Variants in SRR observed in about 807,000 individuals in gnomAD.
SRR encodes the protein serine racemase, also known as D-serine ammonia-lyase.
In SRR, 19 loss-of-function variants were observed where a neutral mutation model predicts 32.7. The observed-to-expected ratio is 0.58, with a 90% CI of 0.40 to 0.85. The LOEUF is 0.85. Among genes scored for constraint, SRR ranks in the 40% least tolerant of loss-of-function variants. The pLI, the probability that SRR is intolerant of heterozygous loss-of-function variation, is 0.00. For missense variants in SRR, 373 were observed against 404.7 expected (o/e 0.92, Z 0.67); for synonymous variants, 142 against 140.9 (o/e 1.01, Z -0.06).
In SRR at chr17:2,318,979, T is replaced by C. The variant is rs769735898; in HGVS notation, c.399+50T>C. 5.4e-6 allele frequency: 7 copies of C among 1,294,170 alleles called. No homozygotes were observed. The South Asian group carries it at 8.4e-5, about 15-fold the overall frequency. 80.2% of individuals were successfully genotyped at this position (1,294,170 alleles called of 1,614,324 possible). A position where few individuals can be genotyped will look rare whatever the true frequency, so the allele number is the denominator to read the frequency against. On this transcript the variant is annotated intron_variant, in intron 4 of 7. Transcript: ENST00000344595. The stretch of plus-strand genomic sequence containing the variant: ...ACCTTAACAGCTTTCATTTGACCAA[T>C]GGCTCTTTCTACCTTACTGGCTGCT...
chr17:2,303,797 G>T, upstream of SRR: 1 of 1,228,062 alleles, frequency 8.1e-7, no homozygotes, highest in Non-Finnish European at 1.1e-6. Context: ...GACGGGCGGC[G>T]CGCGCGCTCG....
intron 6 of SRR, among the ~76,000 whole-genome samples, chr17:2,321,913 G>T (rs767973086): frequency 6.6e-6 from 1 of 152,130 alleles, no homozygotes; most frequent in African/African-American, 2.4e-5. Context: ...GAGTAGCTGG[G>T]ATTACAGGCA....
At chr17:2,305,321 C>T (rs1368398021) in intron 1 of SRR, among the ~76,000 whole-genome samples, 1 of 152,156 alleles carries the variant, frequency 6.6e-6, no homozygotes, top group Non-Finnish European at 1.5e-5. Flanking sequence ...AACAAGAAAA[C>T]TTTCTTAGGA....
intron 1 of SRR, among the ~76,000 whole-genome samples, chr17:2,315,107 T>C (rs762452385): frequency 3.3e-5 from 5 of 151,938 alleles, no homozygotes; most frequent in Non-Finnish European, 7.4e-5. Flanking sequence ...CTGGGCACGA[T>C]GGCACATTCC....
chr17:2,322,559 G>A (rs1201418911), intron 6 of SRR: 1 of 152,168 alleles, frequency 6.6e-6, no homozygotes, highest in Non-Finnish European at 1.5e-5. Flanking sequence ...GGAGTGCAGT[G>A]GCACGATCTT....
chr17:2,324,758 C>G lies in SRR; in HGVS notation c.*885C>G. Reference sequence around the variant, plus strand: ...ATTTTGAAAGGATGACCACTCAGAACAACTCTCTTGATGACCATTCTGTCT... The same window carrying G: ...ATTTTGAAAGGATGACCACTCAGAAGAACTCTCTTGATGACCATTCTGTCT... On this transcript the variant is annotated 3_prime_UTR_variant, in exon 8 of 8. Transcript: ENST00000344595. 6.2e-7 allele frequency: 1 copy of G among 1,614,220 alleles called. No individual in the cohort carries two copies. The highest frequency in any genetic ancestry group is 8.5e-7 in the Non-Finnish European group (1 of 1,180,038).
intron 1 of SRR, among the ~76,000 whole-genome samples, chr17:2,314,245 T>A (rs1838628368): frequency 6.6e-6 from 1 of 151,880 alleles, no homozygotes. Context: ...AGGTCGGGAG[T>A]TCGAGACCAG....
intron 3 of SRR, among the ~76,000 whole-genome samples, chr17:2,318,370 G>A (rs1027568678): frequency 3.3e-5 from 5 of 151,340 alleles, no homozygotes; most frequent in Non-Finnish European, 4.4e-5. Flanking sequence ...GGCTGGTCTC[G>A]AACTCCTGGG....
Position 2,323,073 on chromosome 17 carries a change from C to A in SRR, c.595-63C>A. The A allele has an allele frequency of 1.9e-6, 3 of 1,549,474 alleles. No individual in the cohort carries two copies. The South Asian group carries it at 3.4e-5, about 17-fold the overall frequency. On this transcript the variant is annotated intron_variant, in intron 6 of 7. Coordinates refer to ENST00000344595, the MANE Select transcript of SRR (RefSeq NM_021947.3). ...AGCCACCACACCAGGCCCATATTTT[C>A]TTTTAGACATGCAGGCAATGTTGTG... is the stretch of plus-strand genomic sequence containing the variant.
intron 6 of SRR, among the ~76,000 whole-genome samples, chr17:2,322,285 C>T (rs1300533988): frequency 6.6e-6 from 1 of 152,104 alleles, no homozygotes; most frequent in African/African-American, 2.4e-5. Flanking sequence ...CAAGTGACAC[C>T]ATCATAGTCT....
chr17:2,303,402 G>A (rs567739650), upstream of SRR: 652 of 1,248,530 alleles, frequency 5.2e-4, 1 homozygote, highest in Non-Finnish European at 5.9e-4. Flanking sequence ...GAGGGTGGAG[G>A]CAGGAATTCG....
intron 1 of SRR, among the ~76,000 whole-genome samples, chr17:2,313,345 G>A (rs931576670): frequency 3.3e-5 from 5 of 151,428 alleles, no homozygotes; most frequent in South Asian, 4.2e-4. Flanking sequence ...CAGGAGAATC[G>A]CTTGAACCTG....
chr17:2,323,400 A>T, intron 7 of SRR, 55 bp downstream of exon 7: 1 of 1,602,164 alleles, frequency 6.2e-7, no homozygotes, highest in Non-Finnish European at 8.5e-7. Flanking sequence ...TCTTAGGCAG[A>T]AGAAACTTCC....
intron 4 of SRR, among the ~76,000 whole-genome samples, chr17:2,319,405 C>T (rs2075505568): frequency 6.6e-6 from 1 of 152,164 alleles, no homozygotes; most frequent in African/African-American, 2.4e-5. Flanking sequence ...CCTTCTGCCT[C>T]AGCCTGTTGA....
chr17:2,309,673 ATG>A (rs1184658818), intron 1 of SRR: 1 of 152,542 alleles, frequency 6.6e-6, no homozygotes, highest in Non-Finnish European at 1.5e-5. Flanking sequence ...TTATGTATGT[ATG>A]TGTTTTAAAT....
Position 2,323,607 on chromosome 17 carries a change from C to A in SRR, c.805-48C>A, listed in dbSNP as rs536759489. ...TCTCATCTGAACTTTATAGGTAAAC[C>A]AACTAGACTCCCCTTTCACTAATTC... On this transcript the variant is annotated intron_variant, in intron 7 of 7. Coordinates refer to ENST00000344595, the MANE Select transcript of SRR (RefSeq NM_021947.3). The A allele has an allele frequency of 4.5e-5, 72 of 1,588,342 alleles. No individual in the cohort carries two copies. The African/African-American group carries it at 6.8e-4, about 15-fold the overall frequency.
chr17:2,315,085 T>C (rs1217113607), intron 1 of SRR, among the ~76,000 whole-genome samples: 1 of 149,638 alleles, frequency 6.7e-6, no homozygotes, highest in East Asian at 2.0e-4. Flanking sequence ...CTACTAAAAA[T>C]ATAAAAATTA....
At chr17:2,322,322 T>C (rs1310157515) in intron 6 of SRR, among the ~76,000 whole-genome samples, 1 of 152,196 alleles carries the variant, frequency 6.6e-6, no homozygotes, top group Non-Finnish European at 1.5e-5. Context: ...GTCATCAAGC[T>C]ACTATCCATA....
At chr17:2,303,875 G>A, upstream of SRR, 1 of 583,500 alleles carries the variant, frequency 1.7e-6, no homozygotes, top group Admixed American at 4.3e-5. Flanking sequence ...CGCGCTGGGA[G>A]GAAAAGCGCC....
Sources: gnomAD v4.1 joint callset for allele counts (sites outside exome capture counted in the v4.1 genomes callset) on GRCh38, gnomAD v4.1.1 for gene constraint, MANE v1.5 for transcripts, NCBI Gene and HGNC (gene_info 2026-07-23, HGNC 2026-07-21) for gene names.